The following PI4K2A variants were observed in gnomAD, a reference collection of about 807,000 sequenced individuals.
PI4K2A encodes phosphatidylinositol 4-kinase type 2-alpha.
Under a neutral mutation model 55.0 loss-of-function variants are expected in PI4K2A, and 20 were observed. The ratio of observed to expected loss-of-function variants is 0.36; its 90% confidence interval spans 0.26 to 0.53. PI4K2A has a LOEUF of 0.53. Ranked by LOEUF, PI4K2A falls within the 20% of genes least tolerant of loss-of-function variation. The pLI, the probability that PI4K2A is intolerant of heterozygous loss-of-function variation, is 0.91. For missense variants in PI4K2A, 463 were observed against 637.1 expected (o/e 0.73, Z 2.94); for synonymous variants, 235 against 258.5 (o/e 0.91, Z 0.87).
In PI4K2A at chr10:97,640,978, C is replaced by T. The variant is rs1053666291; in HGVS notation, c.236C>T (p.Ala79Val). Residue 79 changes from alanine to valine, a missense_variant, in exon 1 of 9, where the codon GCG becomes GTG. Physicochemically the swap from Ala to Val is moderately conservative, Grantham distance 64. Transcript: ENST00000370631. The stretch of plus-strand genomic sequence containing the variant: ...CAGGGCCAGACCCAAACCGTGGCGG[C>T]GCAGGCCCAGGCTCTGGCCGCTCAG... 2.0e-6 allele frequency: 3 copies of T among 1,527,122 alleles called. No individual in the cohort carries two copies. The highest frequency in any genetic ancestry group is 2.6e-6 in the Non-Finnish European group (3 of 1,143,098). The allele number at this position is 1,527,122 out of a possible 1,614,324, so 94.6% of individuals were successfully genotyped here. A position where few individuals can be genotyped will look rare whatever the true frequency, so the allele number is the denominator to read the frequency against.
chr10:97,673,663 C>G (rs1225341869), exon 9 of PI4K2A: 1 of 1,613,940 alleles, frequency 6.2e-7, no homozygotes, highest in Non-Finnish European at 8.5e-7. Context: ...GTCGAGACGG[C>G]CCGTTCCCAC....
At chr10:97,655,139 G>A (rs1341471052) in intron 2 of PI4K2A, among the ~76,000 whole-genome samples, 1 of 152,130 alleles carries the variant, frequency 6.6e-6, no homozygotes, top group Non-Finnish European at 1.5e-5. Flanking sequence ...GGAGGCCGAG[G>A]TAGGAGGATC....
chr10:97,651,720 C>A lies in PI4K2A; in HGVS notation c.636+579C>A, dbSNP rs185850386. Among the ~76,000 whole-genome samples the A allele has an allele frequency of 3.9e-5, 6 of 152,296 alleles. No homozygotes were observed. The East Asian group carries it at 1.2e-3, about 29-fold the overall frequency. On this transcript the variant is annotated intron_variant, in intron 2 of 8. Coordinates refer to ENST00000370631, the Ensembl canonical transcript of PI4K2A. ...GGCAAACTCACACTCAGAATGGATT[C>A]ATACACATCTTGTATGTGTTATAGA...
At chr10:97,657,079 C>G in intron 4 of PI4K2A, 105 bp downstream of exon 4, 1 of 1,093,128 alleles carries the variant, frequency 9.1e-7, no homozygotes, top group Non-Finnish European at 1.3e-6. Flanking sequence ...TGTCCAGACA[C>G]ATCATGTGTA....
chr10:97,667,040 C>T (rs772137213), intron 7 of PI4K2A, 21 bp from the exon 8 acceptor site: 5 of 1,607,230 alleles, frequency 3.1e-6, no homozygotes, highest in Non-Finnish European at 4.3e-6. Flanking sequence ...GGTTCCATCT[C>T]CTTCTGGTCT....
At chr10:97,647,423 C>A (rs936682870) in intron 1 of PI4K2A, among the ~76,000 whole-genome samples, 8 of 152,126 alleles carry the variant, frequency 5.3e-5, no homozygotes, top group African/African-American at 1.9e-4. Context: ...GGTGTCTTTC[C>A]AATTTGAGTG....
At chr10:97,651,237 G>C in intron 2 of PI4K2A, 96 bp downstream of exon 2, 1 of 860,794 alleles carries the variant, frequency 1.2e-6, no homozygotes, top group Non-Finnish European at 1.9e-6. Context: ...GGTCCAGTGG[G>C]GTCATTTATA....
chr10:97,642,888 C>CTTTCTTTCTTT (rs1452827494), intron 1 of PI4K2A, among the ~76,000 whole-genome samples: 4 of 64,436 alleles, frequency 6.2e-5, no homozygotes, highest in Non-Finnish European at 9.7e-5. Flanking sequence ...TTTCTTTCTT[C>CTTTCTTTCTTT]CTTCCTTCCT....
intron 1 of PI4K2A, among the ~76,000 whole-genome samples, chr10:97,646,503 C>T (rs971546435): frequency 6.6e-6 from 1 of 152,172 alleles, no homozygotes; most frequent in Non-Finnish European, 1.5e-5. Flanking sequence ...AGGCATGAGC[C>T]ACCACACCCA....
Position 97,650,206 on chromosome 10 carries a change from C to A in PI4K2A, c.436-735C>A, listed in dbSNP as rs561181682. ...TAGGATATTGTATCTTTCTGGAGGG[C>A]AGGAAGCAGTACCATATTGGCATTA... On this transcript the variant is annotated intron_variant, in intron 1 of 8. Coordinates refer to ENST00000370631, the Ensembl canonical transcript of PI4K2A. 2.0e-5 allele frequency among the ~76,000 whole-genome samples: 3 copies of A among 150,802 alleles called. No homozygotes were observed. In the South Asian group the frequency reaches 6.3e-4, roughly 32 times the overall value.
At chr10:97,650,892 A>T in intron 1 of PI4K2A, 49 bp from the exon 2 acceptor site, 1 of 1,402,082 alleles carries the variant, frequency 7.1e-7, no homozygotes, top group Non-Finnish European at 1.0e-6. Context: ...TCTGTGGGCT[A>T]TTTTGGTCAA....
chr10:97,655,390 A>AAAAAT (rs762558597), intron 2 of PI4K2A, among the ~76,000 whole-genome samples: 13 of 141,666 alleles, frequency 9.2e-5, no homozygotes, highest in East Asian at 4.1e-4. Context: ...AAAAAAAAAA[A>AAAAAT]TTTTTTTTCA....
chr10:97,653,099 C>T (rs2041537224), intron 2 of PI4K2A, among the ~76,000 whole-genome samples: 1 of 152,200 alleles, frequency 6.6e-6, no homozygotes, highest in South Asian at 2.1e-4. Context: ...AGTCTCCTAA[C>T]CTGAAATGCT....
At position 97,641,632 on chromosome 10, in the gene PI4K2A, C is replaced by T. The variant is rs142148003; in HGVS notation, c.435+455C>T. On this transcript the variant is annotated intron_variant, in intron 1 of 8. Transcript: ENST00000370631. Reference sequence around the variant, plus strand: ...TGACCTATCAGGGGATCTGAGAATTCAGTTCCAGCCTTCTATGTTGTGGGG... The same window carrying T: ...TGACCTATCAGGGGATCTGAGAATTTAGTTCCAGCCTTCTATGTTGTGGGG... 7.0e-3 allele frequency among the ~76,000 whole-genome samples: 1,060 copies of T among 152,310 alleles called. 16 individuals carry two copies. The highest frequency in any genetic ancestry group is 0.024 in the African/African-American group (1,004 of 41,568).
chr10:97,665,681 C>G (rs1410773189), intron 6 of PI4K2A, among the ~76,000 whole-genome samples: 2 of 152,060 alleles, frequency 1.3e-5, no homozygotes, highest in Admixed American at 1.3e-4. Context: ...CAACCTCCTC[C>G]TCCTGGGTTC....
chr10:97,646,363 C>T (rs2041504997), intron 1 of PI4K2A, among the ~76,000 whole-genome samples: 1 of 151,754 alleles, frequency 6.6e-6, no homozygotes, highest in African/African-American at 2.4e-5. Context: ...TACAGGTGCG[C>T]CCACCACCAT....
At chr10:97,673,206 G>C (rs536379847) in intron 8 of PI4K2A, among the ~76,000 whole-genome samples, 8 of 151,916 alleles carry the variant, frequency 5.3e-5, no homozygotes, top group African/African-American at 1.9e-4. Flanking sequence ...GGCCAGGCTC[G>C]TCTGAAACTC....
chr10:97,669,513 A>C (rs1345008668), intron 8 of PI4K2A, among the ~76,000 whole-genome samples: 1 of 152,192 alleles, frequency 6.6e-6, no homozygotes, highest in African/African-American at 2.4e-5. Flanking sequence ...TTGTGCTCCT[A>C]ATGTCTTCAG....
exon 9 of PI4K2A, chr10:97,674,120 G>A: frequency 6.0e-6 from 1 of 165,502 alleles, no homozygotes; most frequent in Non-Finnish European, 1.3e-5. Context: ...AACTTTAAAT[G>A]CTTGTAGCAG....
Sources: gnomAD v4.1 joint callset for allele counts (sites outside exome capture counted in the v4.1 genomes callset) on GRCh38, gnomAD v4.1.1 for gene constraint, MANE v1.5 for transcripts, NCBI Gene and HGNC (gene_info 2026-07-23, HGNC 2026-07-21) for gene names.